Variants in SFT2D2 observed in about 807,000 individuals in gnomAD.
SFT2D2 encodes the protein vesicle transport protein SFT2B.
Under a neutral mutation model 27.4 loss-of-function variants are expected in SFT2D2, and 21 were observed. That is an observed-to-expected ratio of 0.77 (90% confidence interval 0.54 to 1.10). SFT2D2 has a LOEUF of 1.10. SFT2D2 is among the 50% of genes least tolerant of loss of function. The pLI is 0.00. For synonymous variants in SFT2D2, 72 were observed against 71.7 expected, an observed-to-expected ratio of 1.00 and a Z score of -0.02; for missense variants, 187 against 194.2, an observed-to-expected ratio of 0.96 and a Z score of 0.22.
At position 168,231,879 on chromosome 1, in the gene SFT2D2, G is replaced by T. The variant is rs752233992; in HGVS notation, c.196G>T (p.Ala66Ser). 1.2e-6 allele frequency: 2 copies of T among 1,614,070 alleles called. No individual in the cohort carries two copies. Among genetic ancestry groups the T allele is most frequent in the East Asian group, 2.2e-5 (1 of 44,880 alleles). The change falls in exon 3 of 8, where the codon GCA (alanine) becomes TCA (serine). Residue 66 changes from alanine to serine, a missense_variant. By Grantham distance (99) the Ala-to-Ser change is moderately conservative. Coordinates refer to ENST00000271375, the MANE Select transcript of SFT2D2 (RefSeq NM_199344.3). ...GCCCAGGAAGGGACTACACCTCTTC[G>T]CAGTGTTTTATACCTTTGGTAATAT... Reference protein sequence around the residue: ...WVPRKGLHLFAVFYTFGNIAS... With the variant: ...WVPRKGLHLFSVFYTFGNIAS...
chr1:168,241,549 A>G (rs561787699), intron 7 of SFT2D2, among the ~76,000 whole-genome samples: 1 of 152,182 alleles, frequency 6.6e-6, no homozygotes, highest in South Asian at 2.1e-4. Flanking sequence ...GTTCCACAGA[A>G]ATAGTGTTTC....
At chr1:168,238,872 C>G (rs939406414) in intron 6 of SFT2D2, among the ~76,000 whole-genome samples, 1 of 152,206 alleles carries the variant, frequency 6.6e-6, no homozygotes, top group Non-Finnish European at 1.5e-5. Context: ...AGGCCGAGGT[C>G]ATACGGGTTA....
Position 168,242,483 on chromosome 1 carries a change from G to T in SFT2D2, c.444-18G>T. Reference sequence around the variant, plus strand: ...GGGTGATGACGTTCCACTCATCTTTGTGTCTTTTCTTTCCTAGGGATGCTG... The same window carrying T: ...GGGTGATGACGTTCCACTCATCTTTTTGTCTTTTCTTTCCTAGGGATGCTG... On this transcript the variant is annotated intron_variant, in intron 7 of 7. Coordinates refer to ENST00000271375, the MANE Select transcript of SFT2D2 (RefSeq NM_199344.3). The T allele has an allele frequency of 1.9e-6, 3 of 1,613,812 alleles. No individual in the cohort carries two copies. The highest frequency in any genetic ancestry group is 2.2e-5 in the East Asian group (1 of 44,888).
At chr1:168,233,612 C>T (rs772604593) in intron 3 of SFT2D2, among the ~76,000 whole-genome samples, 5 of 152,108 alleles carry the variant, frequency 3.3e-5, no homozygotes, top group African/African-American at 1.2e-4. Flanking sequence ...CTCTTGTTGC[C>T]TGTAAAGCTT....
intron 4 of SFT2D2, among the ~76,000 whole-genome samples, chr1:168,236,347 T>C (rs1647497132): frequency 6.6e-6 from 1 of 152,244 alleles, no homozygotes. Flanking sequence ...ATTTGTTTGC[T>C]GGGCAGAGGT....
chr1:168,226,839 A>T (rs1306923300), intron 1 of SFT2D2, among the ~76,000 whole-genome samples: 1 of 151,904 alleles, frequency 6.6e-6, no homozygotes. Context: ...TTTTTTTCTG[A>T]GACAGAGTCT....
chr1:168,245,046 A>G lies in SFT2D2; in HGVS notation c.*2506A>G, dbSNP rs1348732736. On this transcript the variant is annotated 3_prime_UTR_variant, in exon 8 of 8. Coordinates refer to ENST00000271375, the MANE Select transcript of SFT2D2 (RefSeq NM_199344.3). ...TAAGACAGAGATGTCAACTCTTACC[A>G]CTTCTATTCAACGTTGTACTGAAAA... is the stretch of plus-strand genomic sequence containing the variant. 1 of 152,128 alleles carries G rather than the reference A, an allele frequency of 6.6e-6. No individual in the cohort carries two copies. The highest frequency in any genetic ancestry group is 1.5e-5 in the Non-Finnish European group (1 of 68,032). 9.4% of individuals were successfully genotyped at this position (152,128 alleles called of 1,614,324 possible). A position where few individuals can be genotyped will look rare whatever the true frequency, so the allele number is the denominator to read the frequency against.
intron 3 of SFT2D2, among the ~76,000 whole-genome samples, chr1:168,233,202 T>G (rs575402031): frequency 6.6e-6 from 1 of 152,326 alleles, no homozygotes; most frequent in Admixed American, 6.5e-5. Context: ...TGTTTGGTTG[T>G]TTTCTGTGCC....
chr1:168,231,555 A>C lies in SFT2D2; in HGVS notation c.105A>C (p.Lys35Asn), dbSNP rs762768290. ...CATTAAGCTGGAGTACCAGGATAAAAGGCTTCATTGCGTGTTTTGCTATAG... is the reference window on the plus strand; with the variant it reads ...CATTAAGCTGGAGTACCAGGATAAACGGCTTCATTGCGTGTTTTGCTATAG... ...ASSLSWSTRI[K>N]GFIACFAIGI... Residue 35 changes from lysine (K) to asparagine (N), a missense_variant, in exon 2 of 8, where the codon AAA becomes AAC. By Grantham distance (94) the Lys-to-Asn change is moderately conservative (BLOSUM62 0). Coordinates refer to ENST00000271375, the MANE Select transcript of SFT2D2 (RefSeq NM_199344.3). 3.7e-6 allele frequency: 6 copies of C among 1,614,054 alleles called. No homozygotes were observed. Among genetic ancestry groups the C allele is most frequent in the Non-Finnish European group, 5.1e-6 (6 of 1,180,012 alleles).
chr1:168,244,777 T>C lies in SFT2D2; in HGVS notation c.*2237T>C, dbSNP rs1284433508. 2.0e-5 allele frequency: 3 copies of C among 152,136 alleles called. No homozygotes were observed. Among genetic ancestry groups the C allele is most frequent in the African/African-American group, 7.2e-5 (3 of 41,414 alleles). 9.4% of individuals were successfully genotyped at this position (152,136 alleles called of 1,614,324 possible). On this transcript the variant is annotated 3_prime_UTR_variant, in exon 8 of 8. Transcript: ENST00000271375. ...CTTTAGAACTGATACGAGGCTTGGC[T>C]AGTCACTGTGAGCTCCAGCAGCTCC...
At position 168,251,821 on chromosome 1, in the gene SFT2D2, G is replaced by A. The variant is rs1035681159; in HGVS notation, c.*9281G>A. ...TGAAGTTAAATACAAATTTATGTCTGTGTAACTCTTGGTAAGATATAACAA... is the reference window on the plus strand; with the variant it reads ...TGAAGTTAAATACAAATTTATGTCTATGTAACTCTTGGTAAGATATAACAA... On this transcript the variant is annotated 3_prime_UTR_variant, in exon 8 of 8. Coordinates refer to ENST00000271375, the MANE Select transcript of SFT2D2 (RefSeq NM_199344.3). 4 of 151,954 alleles carry A rather than the reference G, an allele frequency of 2.6e-5. No homozygotes were observed. Among genetic ancestry groups the A allele is most frequent in the Non-Finnish European group, 5.9e-5 (4 of 67,994 alleles). The allele number at this position is 151,954 out of a possible 1,614,324, so 9.4% of individuals were successfully genotyped here.
At chr1:168,239,110 T>C in intron 6 of SFT2D2, 21 bp from the exon 7 acceptor site, 1 of 1,586,342 alleles carries the variant, frequency 6.3e-7, no homozygotes, top group African/African-American at 1.3e-5. Flanking sequence ...ATTTGACCCT[T>C]TGTTTTGTTT....
chr1:168,240,042 G>T (rs1647606433), intron 7 of SFT2D2, among the ~76,000 whole-genome samples: 1 of 151,918 alleles, frequency 6.6e-6, no homozygotes, highest in African/African-American at 2.4e-5. Flanking sequence ...GGGCGTGGTG[G>T]CAGGCGCCTG....
At chr1:168,242,329 C>A (rs1647671822) in intron 7 of SFT2D2, among the ~76,000 whole-genome samples, 172 bp from the exon 8 acceptor site, 1 of 152,202 alleles carries the variant, frequency 6.6e-6, no homozygotes, top group African/African-American at 2.4e-5. Context: ...GGACAAGGAA[C>A]TTTCCCAGGA....
In SFT2D2 at chr1:168,247,027, G is replaced by T. The variant is rs1330575103; in HGVS notation, c.*4487G>T. 3 of 480,530 alleles carry T rather than the reference G, an allele frequency of 6.2e-6. No homozygotes were observed. Among genetic ancestry groups the T allele is most frequent in the Non-Finnish European group, 1.2e-5 (3 of 245,896 alleles). 29.8% of individuals were successfully genotyped at this position (480,530 alleles called of 1,614,324 possible). A position where few individuals can be genotyped will look rare whatever the true frequency, so the allele number is the denominator to read the frequency against. ...TCATGACTATCAGAAATCTCAAACT[G>T]CAGAGTTCTTGTTCCCATTCAAGTT... On this transcript the variant is annotated 3_prime_UTR_variant, in exon 8 of 8. Coordinates refer to ENST00000271375, the MANE Select transcript of SFT2D2 (RefSeq NM_199344.3).
chr1:168,236,633 A>G lies in SFT2D2; in HGVS notation c.354+9A>G, dbSNP rs1647511033. 6.2e-7 allele frequency: 1 copy of G among 1,613,510 alleles called. No individual in the cohort carries two copies. The highest frequency in any genetic ancestry group is 8.5e-7 in the Non-Finnish European group (1 of 1,179,890). On this transcript the variant is annotated intron_variant, in intron 5 of 7. Transcript: ENST00000271375. ...TGTGTTCTGCCTTTTGGGTAAATGT[A>G]TATTTTAATTTTTCTTAACCATTTT...
rs559231235 is a variant in SFT2D2 at position 168,243,417 on chromosome 1, C to T, written c.*877C>T. On this transcript the variant is annotated 3_prime_UTR_variant, in exon 8 of 8. Transcript: ENST00000271375. ...TTAAACTGATTTTATTTTCCATTCT[C>T]CCCTGGAGTTGGGCCAGGGGAGAGT... 6.6e-6 allele frequency: 1 copy of T among 152,180 alleles called. No homozygotes were observed. The highest frequency in any genetic ancestry group is 6.5e-5 in the Admixed American group (1 of 15,300). The allele number at this position is 152,180 out of a possible 1,614,324, so 9.4% of individuals were successfully genotyped here.
chr1:168,229,029 A>G (rs1159942690), intron 1 of SFT2D2, among the ~76,000 whole-genome samples: 1 of 152,210 alleles, frequency 6.6e-6, no homozygotes, highest in Non-Finnish European at 1.5e-5. Flanking sequence ...TTGCAACCAC[A>G]TGTAATGGAA....
chr1:168,239,205 C>G (rs1572454680), intron 7 of SFT2D2, 45 bp downstream of exon 7: 1 of 1,454,200 alleles, frequency 6.9e-7, no homozygotes, highest in African/African-American at 1.4e-5. Flanking sequence ...CATTTTAATT[C>G]AGAGTCTGCT....
Sources: gnomAD v4.1 joint callset for allele counts (sites outside exome capture counted in the v4.1 genomes callset) on GRCh38, gnomAD v4.1.1 for gene constraint, MANE v1.5 for transcripts, NCBI Gene and HGNC (gene_info 2026-07-23, HGNC 2026-07-21) for gene names.